IL18RAP: variants seen among roughly 807,000 people sequenced by gnomAD.
IL18RAP encodes interleukin-18 receptor accessory protein.
In IL18RAP, 37 loss-of-function variants were observed where a neutral mutation model predicts 58.1. The observed-to-expected ratio is 0.64, with a 90% CI of 0.49 to 0.84. IL18RAP has a LOEUF of 0.84. IL18RAP is among the 40% of genes least tolerant of loss of function. IL18RAP has a pLI of 0.00. For missense variants in IL18RAP, 667 were observed against 704.8 expected (o/e 0.95, Z 0.61); for synonymous variants, 268 against 257.5 (o/e 1.04, Z -0.39).
At chr2:102,419,589 C>T (rs1371103753), upstream of IL18RAP, 1 of 152,290 alleles carries the variant, frequency 6.6e-6, no homozygotes. Context: ...CCTTGACCAA[C>T]TGAAAGGGAA....
intron 5 of IL18RAP, among the ~76,000 whole-genome samples, chr2:102,441,721 C>G (rs2104361816): frequency 6.6e-6 from 1 of 152,076 alleles, no homozygotes; most frequent in East Asian, 1.9e-4. Flanking sequence ...AACCCCATCT[C>G]TACTAAAACT....
Position 102,452,047 on chromosome 2 carries a change from C to T in IL18RAP, c.1666C>T (p.Arg556Cys), listed in dbSNP as rs777516890. 6.3e-5 allele frequency: 102 copies of T among 1,613,964 alleles called. No individual in the cohort carries two copies. The highest frequency in any genetic ancestry group is 7.9e-5 in the Non-Finnish European group (93 of 1,180,042). The change falls in exon 10 of 10, where the codon CGC (arginine) becomes TGC (cysteine). Residue 556 changes from arginine (R) to cysteine (C), a missense_variant. Physicochemically the swap from Arg to Cys is radical, Grantham distance 180. Transcript: ENST00000687160. ...CAATTCTAGGTTCTGGGCCAAAATG[C>T]GCTACCACATGCCTGTGAAAAACTC... ...PPNSRFWAKM[R>C]YHMPVKNSQG...
At chr2:102,441,510 G>C in intron 5 of IL18RAP, 133 bp downstream of exon 5, 1 of 669,758 alleles carries the variant, frequency 1.5e-6, no homozygotes, top group East Asian at 2.9e-5. Context: ...CCATTGACTA[G>C]TTTTGTGACT....
upstream of IL18RAP, among the ~76,000 whole-genome samples, chr2:102,421,657 G>A (rs371379831): frequency 5.3e-5 from 8 of 152,166 alleles, 1 homozygote; most frequent in Admixed American, 2.6e-4. Flanking sequence ...ACACCTATCC[G>A]TGGCATTCTG....
chr2:102,437,260 G>A lies in IL18RAP; in HGVS notation c.628G>A (p.Glu210Lys). 6.2e-7 allele frequency: 1 copy of A among 1,613,416 alleles called. No individual in the cohort carries two copies. Among genetic ancestry groups the A allele is most frequent in the Non-Finnish European group, 8.5e-7 (1 of 1,179,702 alleles). The change falls in exon 4 of 10, where the codon GAA becomes AAA. Residue 210 changes from glutamate (E) to lysine (K), a missense_variant. Physicochemically the swap from Glu to Lys is moderately conservative, Grantham distance 56. Transcript: ENST00000687160. ...AAGGAGCAACCGAATCGTAGTGGATGAAGTTTATGACTATCACCAGGGCAC... is the reference window on the plus strand; with the variant it reads ...AAGGAGCAACCGAATCGTAGTGGATAAAGTTTATGACTATCACCAGGGCAC... ...VERSNRIVVD[E>K]VYDYHQGTYV...
intron 6 of IL18RAP, 107 bp downstream of exon 6, chr2:102,443,430 T>C: frequency 7.7e-7 from 1 of 1,302,698 alleles, no homozygotes; most frequent in Non-Finnish European, 1.0e-6. Context: ...CAGCACCGAC[T>C]AGTGGTGAAA....
intron 3 of IL18RAP, chr2:102,435,387 T>A (rs1471927377): frequency 1.3e-5 from 2 of 151,980 alleles, no homozygotes; most frequent in Admixed American, 1.3e-4. Context: ...TGACTGGGAG[T>A]GTGTGTAAAA....
chr2:102,448,695 C>T (rs973393063), intron 8 of IL18RAP, among the ~76,000 whole-genome samples: 2 of 152,102 alleles, frequency 1.3e-5, no homozygotes, highest in Non-Finnish European at 2.9e-5. Context: ...TGTGGTGGCT[C>T]ACACCTGTAA....
chr2:102,438,922 A>G (rs1199311200), intron 4 of IL18RAP: 2 of 152,252 alleles, frequency 1.3e-5, no homozygotes, highest in Admixed American at 1.3e-4. Flanking sequence ...GGCCCACCAG[A>G]CCCAACCTGG....
At chr2:102,420,079 CA>C (rs1280312250), upstream of IL18RAP, among the ~76,000 whole-genome samples, 1 of 152,176 alleles carries the variant, frequency 6.6e-6, no homozygotes, top group Non-Finnish European at 1.5e-5. Flanking sequence ...AGATGGCCTT[CA>C]AAAGGTAGAT....
intron 3 of IL18RAP, among the ~76,000 whole-genome samples, chr2:102,424,828 A>G (rs966482636): frequency 1.3e-5 from 2 of 152,234 alleles, no homozygotes; most frequent in South Asian, 2.1e-4. Context: ...CCTGAAATAC[A>G]TTCCCAAAAG....
intron 8 of IL18RAP, among the ~76,000 whole-genome samples, chr2:102,448,623 TG>T (rs1683574186): frequency 6.6e-6 from 1 of 151,892 alleles, no homozygotes; most frequent in Non-Finnish European, 1.5e-5. Flanking sequence ...AGGAATTCAG[TG>T]AGGAGTTGTC....
chr2:102,436,495 A>C (rs1682747238), intron 3 of IL18RAP, among the ~76,000 whole-genome samples: 1 of 152,030 alleles, frequency 6.6e-6, no homozygotes, highest in African/African-American at 2.4e-5. Context: ...TCTCCTTTCC[A>C]GCCTGCTGGA....
At position 102,441,306 on chromosome 2, in the gene IL18RAP, T is replaced by C. The variant is rs750409940; in HGVS notation, c.731-6T>C. 1.9e-6 allele frequency: 3 copies of C among 1,611,622 alleles called. No individual in the cohort carries two copies. The East Asian group carries it at 6.7e-5, about 36-fold the overall frequency. On this transcript the variant is annotated splice_region_variant and splice_polypyrimidine_tract_variant and intron_variant, in intron 4 of 9. Coordinates refer to ENST00000687160, the MANE Select transcript of IL18RAP (RefSeq NM_001393487.1). Reference sequence around the variant, plus strand: ...GCAAATAGTAATCTTTGTTTTCATCTTTCAGTGGGAGACACTAAACTCAAA... The same window carrying C: ...GCAAATAGTAATCTTTGTTTTCATCCTTCAGTGGGAGACACTAAACTCAAA...
chr2:102,444,477 T>C (rs1448554361), intron 6 of IL18RAP, among the ~76,000 whole-genome samples: 8 of 152,320 alleles, frequency 5.3e-5, no homozygotes, highest in Admixed American at 4.6e-4. Context: ...AGAGGTGTTA[T>C]GCCTATCACA....
At chr2:102,440,151 T>C (rs1032680897) in intron 4 of IL18RAP, 1 of 152,224 alleles carries the variant, frequency 6.6e-6, no homozygotes, top group Admixed American at 6.5e-5. Flanking sequence ...GTAAACTTAC[T>C]ACCCAGGGGT....
In IL18RAP at chr2:102,445,210, T is replaced by A; in HGVS notation, c.942T>A (p.Asp314Glu). Residue 314 changes from aspartate (D) to glutamate (E), a missense_variant, in exon 7 of 10, where the codon GAT (aspartate) becomes GAA (glutamate). Asp to Glu is a conservative substitution (Grantham distance 45). Transcript: ENST00000687160. ...TCAGTATTAAATCCACTTTAAAGGA[T>A]GAAATCATTGAGCGTAATATCATCT... ...EAKSIKSTLK[D>E]EIIERNIILE... 1.2e-6 allele frequency: 2 copies of A among 1,614,016 alleles called. No individual in the cohort carries two copies. Among genetic ancestry groups the A allele is most frequent in the Non-Finnish European group, 1.7e-6 (2 of 1,179,930 alleles).
At chr2:102,422,503 C>T (rs570295397), upstream of IL18RAP, among the ~76,000 whole-genome samples, 7 of 152,282 alleles carry the variant, frequency 4.6e-5, no homozygotes, top group South Asian at 1.2e-3. Context: ...CCTCCCCACC[C>T]CTCTGCCCTG....
intron 3 of IL18RAP, among the ~76,000 whole-genome samples, chr2:102,436,805 ATG>A (rs138894381): frequency 4.2e-5 from 6 of 143,452 alleles, no homozygotes; most frequent in South Asian, 2.3e-4. Flanking sequence ...ATGTATATAT[ATG>A]TGTGTGTGTG....
Sources: gnomAD v4.1 joint callset for allele counts (sites outside exome capture counted in the v4.1 genomes callset) on GRCh38, gnomAD v4.1.1 for gene constraint, MANE v1.5 for transcripts, NCBI Gene and HGNC (gene_info 2026-07-23, HGNC 2026-07-21) for gene names.